The following IL4R variants were observed in gnomAD, a reference collection of about 807,000 sequenced individuals.
The protein encoded by IL4R is interleukin 4 receptor, also known as interleukin-4 receptor subunit alpha.
In IL4R, 17 loss-of-function variants were observed where a neutral mutation model predicts 41.5. The ratio of observed to expected loss-of-function variants is 0.41; its 90% CI spans 0.28 to 0.61. The LOEUF (loss-of-function observed/expected upper bound fraction) is 0.61, where lower values mean the gene tolerates loss of function less well. IL4R is among the 20% of genes least tolerant of loss of function. The pLI is 0.31. For missense variants in IL4R, 974 were observed against 1,043.1 expected (o/e 0.93, Z 0.91); for synonymous variants, 402 against 422.9 (o/e 0.95, Z 0.61).
chr16:27,364,766 C>A lies in IL4R; in HGVS notation c.*936C>A, dbSNP rs1326663296. 2.0e-5 allele frequency: 3 copies of A among 152,130 alleles called. No individual in the cohort carries two copies. The highest frequency in any genetic ancestry group is 6.6e-5 in the Admixed American group (1 of 15,260). 9.4% of individuals were successfully genotyped at this position (152,130 alleles called of 1,614,324 possible). A position where few individuals can be genotyped will look rare whatever the true frequency, so the allele number is the denominator to read the frequency against. ...GTGGAGTTTTGTATAAATAAAGTTT[C>A]TTTGTCTCTTTATTTTTTATGTATT... is the stretch of plus-strand genomic sequence containing the variant. On this transcript the variant is annotated 3_prime_UTR_variant, in exon 11 of 11. Transcript: ENST00000395762.
intron 1 of IL4R, chr16:27,314,250 C>A: frequency 7.3e-6 from 3 of 411,208 alleles, no homozygotes; most frequent in Non-Finnish European, 6.6e-6. Context: ...ACACCCAGCG[C>A]TCCCCAAAGC....
At chr16:27,344,324 A>G (rs898653923) in intron 4 of IL4R, among the ~76,000 whole-genome samples, 5 of 151,366 alleles carry the variant, frequency 3.3e-5, no homozygotes, top group Non-Finnish European at 7.4e-5. Context: ...ACAAAAACAA[A>G]AAACAAAAAA....
chr16:27,333,553 A>T (rs1308241618), intron 2 of IL4R, among the ~76,000 whole-genome samples: 1 of 152,128 alleles, frequency 6.6e-6, no homozygotes, highest in Admixed American at 6.6e-5. Flanking sequence ...TTAGCTAGAC[A>T]GTTGGGATAA....
At chr16:27,340,325 G>A in intron 3 of IL4R, 52 bp downstream of exon 3, 1 of 1,409,242 alleles carries the variant, frequency 7.1e-7, no homozygotes, top group Non-Finnish European at 1.0e-6. Context: ...TGGCGTGCCA[G>A]GGTCCTGCAG....
intron 9 of IL4R, 151 bp from the exon 10 acceptor site, chr16:27,360,615 C>T: frequency 3.1e-6 from 3 of 960,702 alleles, no homozygotes; most frequent in Non-Finnish European, 4.9e-6. Context: ...GTAATTAATT[C>T]CCAGGAATCT....
At chr16:27,333,613 A>G (rs1012210959) in intron 2 of IL4R, among the ~76,000 whole-genome samples, 8 of 150,966 alleles carry the variant, frequency 5.3e-5, no homozygotes, top group Admixed American at 4.0e-4. Context: ...TAATACTTCT[A>G]AAGCACCTAG....
At chr16:27,340,362 C>G in intron 3 of IL4R, 89 bp downstream of exon 3, 1 of 928,970 alleles carries the variant, frequency 1.1e-6, no homozygotes. Context: ...ATGGAGATTA[C>G]ACTGCAGTGG....
chr16:27,344,534 G>C (rs1297533547), intron 4 of IL4R, among the ~76,000 whole-genome samples: 2 of 152,162 alleles, frequency 1.3e-5, no homozygotes, highest in Non-Finnish European at 2.9e-5. Flanking sequence ...GTGCGATGCA[G>C]AGCTTATGTT....
Position 27,362,355 on chromosome 16 carries a change from G to A in IL4R, c.1003G>A (p.Gly335Ser). 2 of 1,614,102 alleles carry A rather than the reference G, an allele frequency of 1.2e-6. No homozygotes were observed. The highest frequency in any genetic ancestry group is 2.2e-5 in the South Asian group (2 of 91,070). ...HKAAKEMPFQGSGKSAWCPVE... is the reference protein window; with the variant it reads ...HKAAKEMPFQSSGKSAWCPVE... ...GGCTGCCAAAGAGATGCCTTTCCAG[G>A]GCTCTGGAAAATCAGCATGGTGCCC... is the stretch of plus-strand genomic sequence containing the variant. Residue 335 changes from glycine (G) to serine (S), a missense_variant, in exon 11 of 11, where the codon GGC becomes AGC. This residue lies in a region of IL4R where 682 missense variants were observed against 704.3 expected (regional missense o/e 0.97). Transcript: ENST00000395762.
chr16:27,346,403 G>A, intron 5 of IL4R, 64 bp from the exon 6 acceptor site: 2 of 1,578,444 alleles, frequency 1.3e-6, no homozygotes, highest in South Asian at 1.1e-5. Context: ...TGTAGGCCGG[G>A]GCTGGGCTGG....
In IL4R at chr16:27,337,404, A is replaced by G. The variant is rs77025365; in HGVS notation, c.-18-2782A>G. Among the ~76,000 whole-genome samples, 904 of 152,234 alleles carry G rather than the reference A, an allele frequency of 5.9e-3. 6 individuals carry two copies. The highest frequency in any genetic ancestry group is 0.018 in the African/African-American group (756 of 41,548). The stretch of plus-strand genomic sequence containing the variant: ...CCACAGAAACACAGCCAGAGCACCA[A>G]AAGAGAAATGCTGTTAATGGCAAAG... On this transcript the variant is annotated intron_variant, in intron 2 of 10. Coordinates refer to ENST00000395762, the MANE Select transcript of IL4R (RefSeq NM_000418.4).
intron 2 of IL4R, 77 bp from the exon 3 acceptor site, chr16:27,340,109 G>A: frequency 1.1e-6 from 1 of 877,422 alleles, no homozygotes; most frequent in Non-Finnish European, 1.9e-6. Context: ...CCAGGGCAGG[G>A]GAGGGTTGCA....
At chr16:27,356,116 G>A (rs986858206) in intron 8 of IL4R, among the ~76,000 whole-genome samples, 1 of 141,448 alleles carries the variant, frequency 7.1e-6, no homozygotes, top group Non-Finnish European at 1.5e-5. Context: ...TTTTGAGACG[G>A]AGTCTCACTC....
rs1307128794 is a variant in IL4R at position 27,340,248 on chromosome 16, G to A, written c.45G>A (p.Leu15=). The change falls in exon 3 of 11, where the codon CTG becomes CTA. Residue 15 remains leucine (L), a synonymous_variant. Coordinates refer to ENST00000395762, the MANE Select transcript of IL4R (RefSeq NM_000418.4). ...CSGLLFPVSC[L]VLLQVASSGN... ...GGCTCCTGTTCCCTGTGAGCTGCCTGGTCCTGCTGCAGGTGGCAAGCTCTG... is the reference window on the plus strand; with the variant it reads ...GGCTCCTGTTCCCTGTGAGCTGCCTAGTCCTGCTGCAGGTGGCAAGCTCTG... The A allele has an allele frequency of 6.2e-7, 1 of 1,613,878 alleles. No individual in the cohort carries two copies. The highest frequency in any genetic ancestry group is 1.3e-5 in the African/African-American group (1 of 74,908).
intron 1 of IL4R, chr16:27,318,490 A>G (rs1344686055): frequency 1.3e-5 from 2 of 152,228 alleles, no homozygotes; most frequent in Non-Finnish European, 2.9e-5. Flanking sequence ...CAGAGGACGG[A>G]AGACTCCACT....
At position 27,342,298 on chromosome 16, in the gene IL4R, G is replaced by A. The variant is rs370429660; in HGVS notation, c.209+39G>A. ...GGAGCTGGAGGTTTGGGGAGGTTGT[G>A]CCCAAAGGGTTTGCCCCAAGAGTGA... On this transcript the variant is annotated intron_variant, in intron 4 of 10. Transcript: ENST00000395762. 27 of 1,612,788 alleles carry A rather than the reference G, an allele frequency of 1.7e-5. No individual in the cohort carries two copies. In the African/African-American group the frequency reaches 3.5e-4, roughly 21 times the overall value.
Position 27,362,566 on chromosome 16 carries a change from G to T in IL4R, c.1214G>T (p.Arg405Leu), listed in dbSNP as rs200733686. The T allele has an allele frequency of 6.2e-7, 1 of 1,614,218 alleles. No individual in the cohort carries two copies. Among genetic ancestry groups the T allele is most frequent in the South Asian group, 1.1e-5 (1 of 91,088 alleles). Reference protein sequence around the residue: ...FQEGREGIVARLTESLFLDLL... With the variant: ...FQEGREGIVALLTESLFLDLL... Reference sequence around the variant, plus strand: ...GAGGGAAGGGAGGGCATTGTGGCCCGGCTAACAGAGAGCCTGTTCCTGGAC... The same window carrying T: ...GAGGGAAGGGAGGGCATTGTGGCCCTGCTAACAGAGAGCCTGTTCCTGGAC... The change falls in exon 11 of 11, where the codon CGG becomes CTG. Residue 405 changes from arginine to leucine, a missense_variant. Coordinates refer to ENST00000395762, the MANE Select transcript of IL4R (RefSeq NM_000418.4).
At position 27,363,117 on chromosome 16, in the gene IL4R, G is replaced by T. The variant is rs1288763749; in HGVS notation, c.1765G>T (p.Ala589Ser). ...VHAVEQGGTQ[A>S]SAVVGLGPPG... ...TGCGGTGGAGCAGGGTGGCACCCAG[G>T]CCAGTGCGGTGGTGGGCTTGGGTCC... Residue 589 changes from alanine (A) to serine (S), a missense_variant, in exon 11 of 11, where the codon GCC becomes TCC. Coordinates refer to ENST00000395762, the MANE Select transcript of IL4R (RefSeq NM_000418.4). The T allele has an allele frequency of 6.2e-7, 1 of 1,614,060 alleles. No individual in the cohort carries two copies. The highest frequency in any genetic ancestry group is 1.7e-5 in the Admixed American group (1 of 60,026).
chr16:27,349,256 C>T (rs1956240882), intron 6 of IL4R, among the ~76,000 whole-genome samples: 1 of 152,180 alleles, frequency 6.6e-6, no homozygotes, highest in Non-Finnish European at 1.5e-5. Flanking sequence ...GCACCTAAAC[C>T]CGATGGCATA....
Sources: gnomAD v4.1 joint callset for allele counts (sites outside exome capture counted in the v4.1 genomes callset) on GRCh38, gnomAD v4.1.1 for gene constraint, gnomAD v4.1.1 regional missense constraint, MANE v1.5 for transcripts, NCBI Gene and HGNC (gene_info 2026-07-23, HGNC 2026-07-21) for gene names.